COL22A1: variants seen among roughly 807,000 people sequenced by gnomAD.
COL22A1 encodes collagen alpha-1(XXII) chain.
A neutral mutation model predicts 248.9 loss-of-function variants in COL22A1; 221 were observed. The ratio of observed to expected loss-of-function variants is 0.89; its 90% CI spans 0.80 to 0.99. The LOEUF (loss-of-function observed/expected upper bound fraction) is 0.99, where lower values mean the gene tolerates loss of function less well. Among genes scored for constraint, COL22A1 ranks in the 50% least tolerant of loss-of-function variants. COL22A1 has a pLI of 0.00. For synonymous variants in COL22A1, 891 were observed against 793.4 expected (o/e 1.12, Z -2.07); for missense variants, 2,240 against 2,179.0 (o/e 1.03, Z -0.56).
rs371500001 is a variant in COL22A1, at chr8:138,833,061, A to G, written c.823T>C (p.Phe275Leu). The change falls in exon 5 of 65, where the codon TTC becomes CTC. Residue 275 changes from phenylalanine to leucine, a missense_variant. Coordinates refer to ENST00000303045, the MANE Select transcript of COL22A1 (RefSeq NM_152888.3). Reference protein sequence around the residue: ...AQSSYVRMGSFPVVQSTEDVF... With the variant: ...AQSSYVRMGSLPVVQSTEDVF... Reference sequence around the variant, plus strand: ...CACTCAGTACTTTGCACCACAGGGAAGGATCCCATCCGTACATAGGAACTC... The same window carrying G: ...CACTCAGTACTTTGCACCACAGGGAGGGATCCCATCCGTACATAGGAACTC... 11 of 1,612,434 alleles carry G rather than the reference A, an allele frequency of 6.8e-6. No individual in the cohort carries two copies. In the Admixed American group the frequency reaches 8.3e-5, roughly 12 times the overall value.
At position 138,740,642 on chromosome 8, in the gene COL22A1, G is replaced by A. The variant is rs555535572; in HGVS notation, c.2086-3065C>T. Among the ~76,000 whole-genome samples the A allele has an allele frequency of 4.8e-4, 73 of 152,264 alleles. 1 individual carries two copies. Among genetic ancestry groups the A allele is most frequent in the African/African-American group, 1.6e-3 (68 of 41,548 alleles). The stretch of plus-strand genomic sequence containing the variant: ...GCAGATGTATGGGCAAGTAGGAGGC[G>A]CGTGGTAGACAAGAGAGAAATGCAA... On this transcript the variant is annotated intron_variant, in intron 22 of 64. Coordinates refer to ENST00000303045, the MANE Select transcript of COL22A1 (RefSeq NM_152888.3).
chr8:138,700,073 G>C, intron 32 of COL22A1, 39 bp downstream of exon 32: 1 of 1,604,460 alleles, frequency 6.2e-7, no homozygotes, highest in Non-Finnish European at 8.5e-7. Flanking sequence ...CCTCCAGGCC[G>C]AGGCACACTG....
intron 30 of COL22A1, among the ~76,000 whole-genome samples, chr8:138,709,974 A>G (rs1358131073): frequency 6.6e-6 from 1 of 152,138 alleles, no homozygotes; most frequent in Non-Finnish European, 1.5e-5. Context: ...CCCCACCCCC[A>G]TGAAGGAGTG....
intron 22 of COL22A1, among the ~76,000 whole-genome samples, chr8:138,743,681 G>T (rs182808836): frequency 1.1e-4 from 17 of 152,238 alleles, no homozygotes; most frequent in Admixed American, 3.9e-4. Context: ...CTAACGATAG[G>T]CCTGTTTCTT....
intron 31 of COL22A1, among the ~76,000 whole-genome samples, 174 bp downstream of exon 31, chr8:138,703,132 G>C (rs1487252528): frequency 6.6e-6 from 1 of 152,192 alleles, no homozygotes; most frequent in Non-Finnish European, 1.5e-5. Flanking sequence ...GCATAGGATG[G>C]TTCTTAGAGA....
chr8:138,868,097 G>A (rs1009640674), intron 3 of COL22A1, among the ~76,000 whole-genome samples: 6 of 152,232 alleles, frequency 3.9e-5, no homozygotes, highest in East Asian at 1.9e-4. Flanking sequence ...ACTAAAGTTC[G>A]AAAGACTAGC....
chr8:138,886,483 G>A (rs918135801), intron 1 of COL22A1, among the ~76,000 whole-genome samples: 7 of 152,084 alleles, frequency 4.6e-5, no homozygotes, highest in African/African-American at 1.7e-4. Flanking sequence ...CTGATGGCTC[G>A]GCTACCACAG....
At position 138,812,993 on chromosome 8, in the gene COL22A1, A is replaced by G. The variant is rs1438100822; in HGVS notation, c.1272T>C (p.Tyr424=). Residue 424 remains tyrosine (Y), a synonymous_variant, in exon 8 of 65, where the codon TAT becomes TAC. Coordinates refer to ENST00000303045, the MANE Select transcript of COL22A1 (RefSeq NM_152888.3). ...CCAATTCTGCGTGTCTCGAGTCACA[A>G]TAGATCACAATCCGCTGTAGGTCAA... ...IDFDLQRIVI[Y]CDSRHAELET... is the part of the protein sequence containing the mutation. The G allele has an allele frequency of 6.8e-6, 11 of 1,614,068 alleles. No homozygotes were observed. In the East Asian group the frequency reaches 1.8e-4, roughly 26 times the overall value.
chr8:138,789,657 T>A (rs1011658385), intron 12 of COL22A1, among the ~76,000 whole-genome samples: 3 of 152,210 alleles, frequency 2.0e-5, no homozygotes, highest in Admixed American at 2.0e-4. Context: ...AGCATCACAT[T>A]GAAGGAGGGG....
chr8:138,792,574 G>T (rs1263991085), intron 12 of COL22A1, among the ~76,000 whole-genome samples: 1 of 152,228 alleles, frequency 6.6e-6, no homozygotes, highest in East Asian at 1.9e-4. Flanking sequence ...AAAGTACTGA[G>T]TCCATTCTAA....
At chr8:138,717,747 G>T (rs978952299) in intron 27 of COL22A1, among the ~76,000 whole-genome samples, 1 of 152,216 alleles carries the variant, frequency 6.6e-6, no homozygotes, top group African/African-American at 2.4e-5. Context: ...GGGGAACACA[G>T]GGCCAGAGGG....
In COL22A1 at chr8:138,738,096, C is replaced by A. The variant is rs73445011; in HGVS notation, c.2086-519G>T. On this transcript the variant is annotated intron_variant, in intron 22 of 64. Transcript: ENST00000303045. ...CCATTTAATTTATCTAAGCCACATC[C>A]CATATCACATGGAGAGTTGCTGGTA... Among the ~76,000 whole-genome samples, 599 of 152,230 alleles carry A rather than the reference C, an allele frequency of 3.9e-3. 7 individuals are homozygous for A. The highest frequency in any genetic ancestry group is 0.014 in the African/African-American group (569 of 41,518).
chr8:138,682,332 C>T lies in COL22A1; in HGVS notation c.3012+2093G>A, dbSNP rs149523352. 8.6e-3 allele frequency among the ~76,000 whole-genome samples: 1,316 copies of T among 152,150 alleles called. 7 individuals are homozygous for T. The highest frequency in any genetic ancestry group is 0.03 in the Admixed American group (453 of 15,278). ...TAGAAAGTGGCTCAAGGGATGATGA[C>T]GGAAGACATTGAAGGCATATAGGAA... is the stretch of plus-strand genomic sequence containing the variant. On this transcript the variant is annotated intron_variant, in intron 39 of 64. Transcript: ENST00000303045.
At chr8:138,737,168 T>C (rs1165721252) in intron 23 of COL22A1, among the ~76,000 whole-genome samples, 1 of 152,174 alleles carries the variant, frequency 6.6e-6, no homozygotes, top group African/African-American at 2.4e-5. Context: ...TGGCAGTGCC[T>C]TGTCTGCCAA....
At chr8:138,843,254 C>T (rs1016577929) in intron 4 of COL22A1, among the ~76,000 whole-genome samples, 1 of 152,104 alleles carries the variant, frequency 6.6e-6, no homozygotes, top group Admixed American at 6.5e-5. Context: ...TGGCAAGGTC[C>T]CTGGGATGCA....
Position 138,630,722 on chromosome 8 carries a change from A to G in COL22A1, c.3636T>C (p.Ala1212=). The change falls in exon 50 of 65, where the codon GCT becomes GCC. Residue 1212 remains alanine, a synonymous_variant. Coordinates refer to ENST00000303045, the MANE Select transcript of COL22A1 (RefSeq NM_152888.3). Reference sequence around the variant, plus strand: ...GTGACCCTTGGATTCCTGGTGGTCCAGCAGCTCCTGCAATTCCATCTGCCC... The same window carrying G: ...GTGACCCTTGGATTCCTGGTGGTCCGGCAGCTCCTGCAATTCCATCTGCCC... The part of the protein sequence containing the change: ...PPGADGIAGA[A]GPPGIQGSPG... 6.2e-7 allele frequency: 1 copy of G among 1,613,982 alleles called. No individual in the cohort carries two copies. The highest frequency in any genetic ancestry group is 8.5e-7 in the Non-Finnish European group (1 of 1,179,886).
At chr8:138,690,020 A>G (rs368288045) in intron 36 of COL22A1, among the ~76,000 whole-genome samples, 6 of 152,314 alleles carry the variant, frequency 3.9e-5, no homozygotes, top group African/African-American at 1.2e-4. Context: ...TGCTGTGTGG[A>G]TTAAATGAAT....
intron 64 of COL22A1, among the ~76,000 whole-genome samples, chr8:138,591,032 A>T (rs924549750): frequency 3.9e-5 from 6 of 152,216 alleles, no homozygotes; most frequent in Non-Finnish European, 5.9e-5. Context: ...TGCTAGGTTA[A>T]ACAAAACAGA....
At chr8:138,870,110 G>A (rs942112540) in intron 3 of COL22A1, among the ~76,000 whole-genome samples, 5 of 151,468 alleles carry the variant, frequency 3.3e-5, no homozygotes, top group African/African-American at 4.9e-5. Context: ...TGTGTGTGGA[G>A]CATGTGTCTG....
Sources: gnomAD v4.1 joint callset for allele counts (sites outside exome capture counted in the v4.1 genomes callset) on GRCh38, gnomAD v4.1.1 for gene constraint, MANE v1.5 for transcripts, NCBI Gene and HGNC (gene_info 2026-07-23, HGNC 2026-07-21) for gene names.